CCBE1: variants seen among roughly 807,000 people sequenced by gnomAD.
CCBE1 encodes the protein collagen and calcium-binding EGF domain-containing protein 1.
In CCBE1, 37 loss-of-function variants were observed where a neutral mutation model predicts 50.0. The ratio of observed to expected loss-of-function variants is 0.74; its 90% CI spans 0.57 to 0.97. The LOEUF (loss-of-function observed/expected upper bound fraction) is 0.97, where lower values mean the gene tolerates loss of function less well. Ranked by LOEUF, CCBE1 falls within the 50% of genes least tolerant of loss-of-function variation. The pLI, the probability that CCBE1 is intolerant of heterozygous loss-of-function variation, is 0.00. For missense variants in CCBE1, 538 were observed against 523.8 expected, an observed-to-expected ratio of 1.03 and a Z score of -0.26; for synonymous variants, 234 against 203.7, an observed-to-expected ratio of 1.15 and a Z score of -1.27.
intron 3 of CCBE1, among the ~76,000 whole-genome samples, chr18:59,471,707 T>G (rs1387377034): frequency 1.3e-5 from 2 of 152,220 alleles, no homozygotes; most frequent in African/African-American, 4.8e-5. Flanking sequence ...CTGTGTCAGT[T>G]GCCAGCCTCT....
intron 2 of CCBE1, among the ~76,000 whole-genome samples, chr18:59,555,122 C>G (rs563806513): frequency 6.6e-6 from 1 of 152,180 alleles, no homozygotes; most frequent in Non-Finnish European, 1.5e-5. Flanking sequence ...AAAATGTGAC[C>G]CATTCCACAT....
At chr18:59,611,745 T>TAAA (rs560927223) in intron 2 of CCBE1, among the ~76,000 whole-genome samples, 1 of 148,708 alleles carries the variant, frequency 6.7e-6, no homozygotes, top group South Asian at 2.1e-4. Flanking sequence ...AACTCTGTCT[T>TAAA]AAAAAAAAAA....
rs1486530985 is a variant in CCBE1, at chr18:59,696,636, A to C, written c.205T>G (p.Cys69Gly). The change falls in exon 2 of 11, where the codon TGC becomes GGC. Residue 69 changes from cysteine (C) to glycine (G), a missense_variant. Transcript: ENST00000439986. Reference protein sequence around the residue: ...CLKSSGELTTCYRKKCCKGYK... With the variant: ...CLKSSGELTTGYRKKCCKGYK... The stretch of plus-strand genomic sequence containing the variant: ...CAGAGCCCCCAGGCTTACCTGTAGC[A>C]TGTGGTGAGCTCGCCTGAAGACTTC... The C allele has an allele frequency of 1.9e-6, 3 of 1,613,992 alleles. No individual in the cohort carries two copies. Among genetic ancestry groups the C allele is most frequent in the Non-Finnish European group, 2.5e-6 (3 of 1,179,928 alleles).
intron 2 of CCBE1, among the ~76,000 whole-genome samples, chr18:59,550,004 G>A (rs2564491): frequency 6.6e-6 from 1 of 152,008 alleles, no homozygotes; most frequent in African/African-American, 2.4e-5. Flanking sequence ...TGGAGCCAAC[G>A]GGCAAGGACA....
chr18:59,678,484 T>C (rs2054539424), intron 2 of CCBE1, among the ~76,000 whole-genome samples: 1 of 152,196 alleles, frequency 6.6e-6, no homozygotes, highest in Non-Finnish European at 1.5e-5. Context: ...ACAGACAGAC[T>C]ATGACTAGAT....
chr18:59,507,381 G>A (rs900998661), intron 2 of CCBE1, among the ~76,000 whole-genome samples: 6 of 152,180 alleles, frequency 3.9e-5, no homozygotes, highest in Admixed American at 3.9e-4. Context: ...GCTCTGAGCT[G>A]GTGGTCTCAC....
chr18:59,676,053 G>A (rs1185826872), intron 2 of CCBE1, among the ~76,000 whole-genome samples: 1 of 152,230 alleles, frequency 6.6e-6, no homozygotes, highest in Non-Finnish European at 1.5e-5. Context: ...ATCCAGCACA[G>A]ATAGCCCAGA....
chr18:59,564,589 C>G (rs2052790819), intron 2 of CCBE1, among the ~76,000 whole-genome samples: 1 of 152,250 alleles, frequency 6.6e-6, no homozygotes. Context: ...CTATTACTAA[C>G]TGGCTTGTAT....
intron 2 of CCBE1, among the ~76,000 whole-genome samples, chr18:59,660,387 CG>C (rs1196621537): frequency 6.6e-6 from 1 of 151,990 alleles, no homozygotes; most frequent in Non-Finnish European, 1.5e-5. Context: ...TTACACTGAT[CG>C]GTCTTGCTTA....
intron 3 of CCBE1, among the ~76,000 whole-genome samples, chr18:59,471,920 C>G (rs1379673148): frequency 2.0e-5 from 3 of 152,230 alleles, no homozygotes; most frequent in Non-Finnish European, 4.4e-5. Flanking sequence ...TGTGCCACCT[C>G]CGGAGGTTGA....
chr18:59,492,376 G>A (rs1913152986), intron 2 of CCBE1, among the ~76,000 whole-genome samples: 1 of 151,770 alleles, frequency 6.6e-6, no homozygotes, highest in South Asian at 2.1e-4. Context: ...ATTACAGCTG[G>A]GCACATAACC....
At chr18:59,688,843 G>A (rs1411139228) in intron 2 of CCBE1, among the ~76,000 whole-genome samples, 1 of 152,192 alleles carries the variant, frequency 6.6e-6, no homozygotes, top group African/African-American at 2.4e-5. Context: ...TGATACACAG[G>A]TAAGTGACCC....
At chr18:59,454,617 C>T (rs894546653) in intron 6 of CCBE1, among the ~76,000 whole-genome samples, 3 of 152,182 alleles carry the variant, frequency 2.0e-5, no homozygotes, top group African/African-American at 7.2e-5. Context: ...GTGTCCCTTA[C>T]CTAGTGTCCA....
At chr18:59,565,614 C>T (rs1170608919) in intron 2 of CCBE1, among the ~76,000 whole-genome samples, 1 of 152,132 alleles carries the variant, frequency 6.6e-6, no homozygotes, top group Admixed American at 6.5e-5. Context: ...ACCTATGGGA[C>T]ACCTCATTTA....
chr18:59,549,149 T>C (rs1417109551), intron 2 of CCBE1, among the ~76,000 whole-genome samples: 1 of 151,938 alleles, frequency 6.6e-6, no homozygotes, highest in Non-Finnish European at 1.5e-5. Flanking sequence ...GGGTCTTCTT[T>C]TCACTTGGAT....
intron 2 of CCBE1, among the ~76,000 whole-genome samples, chr18:59,565,854 A>G (rs1193420338): frequency 1.3e-5 from 2 of 152,026 alleles, no homozygotes; most frequent in African/African-American, 2.4e-5. Context: ...CCCAAAGAAA[A>G]TCGAATGCAA....
chr18:59,659,643 AT>A (rs2054254859), intron 2 of CCBE1, among the ~76,000 whole-genome samples: 1 of 152,178 alleles, frequency 6.6e-6, no homozygotes. Flanking sequence ...TCTGACCACA[AT>A]TTCAGGATTT....
intron 7 of CCBE1, among the ~76,000 whole-genome samples, chr18:59,440,845 T>C (rs999096506): frequency 6.6e-6 from 1 of 152,132 alleles, no homozygotes; most frequent in African/African-American, 2.4e-5. Flanking sequence ...AACTCTAGCA[T>C]GGAGTAAGTA....
intron 2 of CCBE1, among the ~76,000 whole-genome samples, chr18:59,585,315 T>C (rs2053162718): frequency 6.6e-6 from 1 of 152,164 alleles, no homozygotes; most frequent in Non-Finnish European, 1.5e-5. Context: ...TTCAATGCTA[T>C]CTGAAATCAC....
Sources: allele counts gnomAD v4.1 joint callset (sites outside exome capture counted in the v4.1 genomes callset), GRCh38; gene constraint gnomAD v4.1.1; transcripts MANE v1.5; gene names NCBI Gene and HGNC (gene_info 2026-07-23, HGNC 2026-07-21).